The following GPHN variants were observed in gnomAD, a reference collection of about 807,000 sequenced individuals.
The protein encoded by GPHN is gephyrin.
A neutral mutation model predicts 95.5 loss-of-function variants in GPHN; 17 were observed. That is an observed-to-expected ratio of 0.18 (90% CI 0.12 to 0.27). The LOEUF (loss-of-function observed/expected upper bound fraction) is 0.27, where lower values mean the gene tolerates loss of function less well. Ranked by LOEUF, GPHN falls within the 10% of genes least tolerant of loss-of-function variation. The pLI is 1.00. For synonymous variants in GPHN, 320 were observed against 322.5 expected (o/e 0.99, Z 0.08); for missense variants, 660 against 978.1 (o/e 0.67, Z 4.34).
chr14:67,348,615 G>A, the GPHN span, among the ~76,000 whole-genome samples: 2,133 of 152,112 alleles, frequency 0.014, 52 homozygotes, highest in African/African-American at 0.048. Context: ...TCCGCTTCCC[G>A]GGTTCAAGCG....
At chr14:66,771,147 C>G (rs1317309539) in intron 2 of GPHN, among the ~76,000 whole-genome samples, 1 of 152,170 alleles carries the variant, frequency 6.6e-6, no homozygotes, top group East Asian at 1.9e-4. Context: ...CTATAACTTT[C>G]ATTTCAGTTA....
At chr14:66,705,373 T>G (rs2068978201) in intron 2 of GPHN, among the ~76,000 whole-genome samples, 1 of 148,976 alleles carries the variant, frequency 6.7e-6, no homozygotes, top group African/African-American at 2.5e-5. Context: ...AAAAGAAAAC[T>G]TCAGGCCAAT....
the GPHN span, chr14:67,569,929 C>A: frequency 7.5e-6 from 12 of 1,606,148 alleles, no homozygotes; most frequent in Non-Finnish European, 1.0e-5. Flanking sequence ...AGCTTCAAGC[C>A]CTCCTGCCCT....
At chr14:66,726,799 C>T (rs1408872095) in intron 2 of GPHN, among the ~76,000 whole-genome samples, 2 of 152,110 alleles carry the variant, frequency 1.3e-5, no homozygotes, top group South Asian at 2.1e-4. Flanking sequence ...CATGATGCCA[C>T]AGGTGAAAAA....
intron 1 of GPHN, among the ~76,000 whole-genome samples, chr14:66,653,369 A>C (rs188737798): frequency 6.6e-6 from 1 of 152,270 alleles, no homozygotes; most frequent in East Asian, 1.9e-4. Flanking sequence ...TTGATTTTTT[A>C]ATTAAACTTT....
chr14:66,867,230 C>G (rs1253391873), intron 4 of GPHN, among the ~76,000 whole-genome samples: 1 of 152,024 alleles, frequency 6.6e-6, no homozygotes, highest in Non-Finnish European at 1.5e-5. Context: ...TTACAATTAC[C>G]TTGATTTCCA....
At chr14:67,704,796 G>A in the GPHN span, among the ~76,000 whole-genome samples, 11 of 152,178 alleles carry the variant, frequency 7.2e-5, no homozygotes, top group East Asian at 5.8e-4. Flanking sequence ...AGCAGCTCTC[G>A]TTCTGAGACA....
At chr14:66,558,622 C>A (rs1211533556) in intron 1 of GPHN, among the ~76,000 whole-genome samples, 1 of 152,034 alleles carries the variant, frequency 6.6e-6, no homozygotes, top group Non-Finnish European at 1.5e-5. Flanking sequence ...GTCATTCTTA[C>A]TTTACTTTTT....
chr14:67,328,920 C>T, the GPHN span, among the ~76,000 whole-genome samples: 1 of 152,124 alleles, frequency 6.6e-6, no homozygotes, highest in Non-Finnish European at 1.5e-5. Context: ...GTGATGCCTT[C>T]AGCTTTATTC....
At chr14:66,934,598 C>G (rs568867556) in intron 8 of GPHN, among the ~76,000 whole-genome samples, 45 of 152,296 alleles carry the variant, frequency 3.0e-4, no homozygotes, top group African/African-American at 9.6e-4. Flanking sequence ...AATTTAACTA[C>G]TGGGGGACAC....
At chr14:67,493,720 A>C in the GPHN span, among the ~76,000 whole-genome samples, 13,224 of 152,036 alleles carry the variant, frequency 0.087, 609 homozygotes, top group African/African-American at 0.11. Flanking sequence ...GGATGGATAC[A>C]TGCTCCAATC....
chr14:66,697,148 G>A (rs1204082880), intron 2 of GPHN, among the ~76,000 whole-genome samples: 2 of 152,080 alleles, frequency 1.3e-5, no homozygotes, highest in East Asian at 3.8e-4. Flanking sequence ...CTTTTAATAA[G>A]TATTAGTATG....
intron 18 of GPHN, among the ~76,000 whole-genome samples, chr14:67,144,250 A>AATATATATATATATATAT (rs71129810): frequency 6.9e-5 from 4 of 57,768 alleles, no homozygotes; most frequent in Non-Finnish European, 8.6e-5. Flanking sequence ...AAAAAAAAAA[A>AATATATATATATATATAT]ATATATATAT....
intron 1 of GPHN, among the ~76,000 whole-genome samples, chr14:66,607,641 T>G (rs1315467109): frequency 6.6e-6 from 1 of 151,982 alleles, no homozygotes; most frequent in Admixed American, 6.6e-5. Context: ...TGGCTTTTTT[T>G]TTGTTGGTAG....
the GPHN span, chr14:67,584,143 A>T: frequency 1.9e-6 from 3 of 1,610,620 alleles, no homozygotes; most frequent in Non-Finnish European, 1.7e-6. Context: ...CAGTGGAAGG[A>T]GCTGCCCACA....
intron 1 of GPHN, among the ~76,000 whole-genome samples, chr14:66,620,568 A>C (rs1299959105): frequency 1.3e-5 from 2 of 151,942 alleles, no homozygotes; most frequent in African/African-American, 4.8e-5. Flanking sequence ...TAATTCTGTC[A>C]CCTCCCACCA....
chr14:66,719,443 C>T (rs145954764), intron 2 of GPHN, among the ~76,000 whole-genome samples: 1,902 of 152,278 alleles, frequency 0.012, 24 homozygotes, highest in Non-Finnish European at 0.021. Context: ...GGCTGAGAAT[C>T]TCCCTTTCCC....
chr14:66,583,327 C>T (rs1183590248), intron 1 of GPHN, among the ~76,000 whole-genome samples: 3 of 152,062 alleles, frequency 2.0e-5, no homozygotes, highest in African/African-American at 7.2e-5. Flanking sequence ...TTCTCCCAAT[C>T]TGTAGGTTGC....
At chr14:66,841,489 A>T (rs1454131229) in intron 4 of GPHN, among the ~76,000 whole-genome samples, 2 of 152,188 alleles carry the variant, frequency 1.3e-5, no homozygotes, top group African/African-American at 4.8e-5. Context: ...CCAATGATAG[A>T]GGTGGAGGTA....
Sources: gnomAD v4.1 joint callset for allele counts (sites outside exome capture counted in the v4.1 genomes callset) on GRCh38, gnomAD v4.1.1 for gene constraint, MANE v1.5 for transcripts, NCBI Gene and HGNC (gene_info 2026-07-23, HGNC 2026-07-21) for gene names.